Variants in LEMD3 observed in about 807,000 individuals in gnomAD.
LEMD3 encodes the protein LEM domain containing 3.
In LEMD3, 33 loss-of-function variants were observed where a neutral mutation model predicts 95.2. The ratio of observed to expected loss-of-function variants is 0.35; its 90% CI spans 0.26 to 0.46. The LOEUF (loss-of-function observed/expected upper bound fraction) is 0.46. LEMD3 is among the 20% of genes least tolerant of loss of function. The probability of loss-of-function intolerance (pLI) is 1.00; values close to 1 mark genes in which losing one functional copy is unlikely to be tolerated. For missense variants in LEMD3, 1,210 were observed against 1,192.8 expected (o/e 1.01, Z -0.21); for synonymous variants, 525 against 474.6 (o/e 1.11, Z -1.38).
intron 2 of LEMD3, among the ~76,000 whole-genome samples, chr12:65,215,454 G>A (rs909588828): frequency 3.3e-5 from 5 of 152,126 alleles, no homozygotes; most frequent in African/African-American, 1.2e-4. Context: ...TTAACTCCTA[G>A]TAGATGTTTA....
chr12:65,186,263 A>G (rs1269762551), intron 1 of LEMD3, among the ~76,000 whole-genome samples: 2 of 151,884 alleles, frequency 1.3e-5, no homozygotes, highest in Non-Finnish European at 2.9e-5. Flanking sequence ...TTGTGAAGAG[A>G]TACTTATTCA....
At chr12:65,234,059 C>CT (rs1162824518) in intron 4 of LEMD3, among the ~76,000 whole-genome samples, 2 of 152,078 alleles carry the variant, frequency 1.3e-5, no homozygotes, top group Non-Finnish European at 2.9e-5. Flanking sequence ...AAATTAAAAA[C>CT]TTAGTTTCTT....
chr12:65,210,804 A>G, intron 1 of LEMD3, 122 bp from the exon 2 acceptor site: 1 of 803,838 alleles, frequency 1.2e-6, no homozygotes, highest in Non-Finnish European at 2.2e-6. Flanking sequence ...GTTTGTTTAC[A>G]TTTGGTTCAC....
intron 1 of LEMD3, among the ~76,000 whole-genome samples, chr12:65,202,712 A>C (rs141759915): frequency 6.6e-6 from 1 of 152,182 alleles, no homozygotes; most frequent in Non-Finnish European, 1.5e-5. Context: ...GAAGGTTATT[A>C]CTTACTGATT....
At chr12:65,227,904 C>A (rs894357417) in intron 4 of LEMD3, among the ~76,000 whole-genome samples, 7 of 151,668 alleles carry the variant, frequency 4.6e-5, no homozygotes, top group African/African-American at 7.3e-5. Flanking sequence ...ACATAATCAT[C>A]TGTTTTTTTC....
At chr12:65,195,307 G>A (rs541697322) in intron 1 of LEMD3, among the ~76,000 whole-genome samples, 31 of 151,934 alleles carry the variant, frequency 2.0e-4, no homozygotes, top group Admixed American at 2.0e-3. Flanking sequence ...ACACATGTAC[G>A]TAAATATATA....
chr12:65,192,490 A>G (rs781348657), intron 1 of LEMD3, among the ~76,000 whole-genome samples: 9 of 152,054 alleles, frequency 5.9e-5, no homozygotes, highest in Non-Finnish European at 1.3e-4. Flanking sequence ...TTAGGATGGA[A>G]GTTACTTTTT....
At chr12:65,185,763 G>A (rs569769177) in intron 1 of LEMD3, among the ~76,000 whole-genome samples, 1 of 151,848 alleles carries the variant, frequency 6.6e-6, no homozygotes, top group East Asian at 1.9e-4. Context: ...ATGACTGACT[G>A]ACTTACCAGC....
chr12:65,212,478 A>G (rs1869969990), intron 2 of LEMD3, among the ~76,000 whole-genome samples: 2 of 149,068 alleles, frequency 1.3e-5, no homozygotes, highest in South Asian at 2.1e-4. Flanking sequence ...CGGAGCTTGC[A>G]GTGAGCCAAG....
intron 10 of LEMD3, 35 bp from the exon 11 acceptor site, chr12:65,245,634 T>A (rs1565802002): frequency 1.4e-6 from 2 of 1,410,276 alleles, no homozygotes; most frequent in African/African-American, 1.4e-5. Context: ...CGAGTAGGAA[T>A]ATGGTTGTTG....
chr12:65,194,817 C>CTTTAGATTATAATTTATAATTATAA (rs1869362833), intron 1 of LEMD3, among the ~76,000 whole-genome samples: 5 of 10,426 alleles, frequency 4.8e-4, no homozygotes, highest in Non-Finnish European at 1.2e-3. Flanking sequence ...CTTAATTATA[C>CTTTAGATTATAATTTATAATTATAA]TTTAGATTAT....
At chr12:65,196,652 A>G (rs1211496310) in intron 1 of LEMD3, among the ~76,000 whole-genome samples, 2 of 152,102 alleles carry the variant, frequency 1.3e-5, no homozygotes, top group Non-Finnish European at 2.9e-5. Flanking sequence ...AGTCTCTGTC[A>G]TGACTTACAG....
At position 65,240,994 on chromosome 12, in the gene LEMD3, G is replaced by A; in HGVS notation, c.2212G>A (p.Gly738Ser). 1 of 1,614,070 alleles carries A rather than the reference G, an allele frequency of 6.2e-7. No individual in the cohort carries two copies. The highest frequency in any genetic ancestry group is 8.5e-7 in the Non-Finnish European group (1 of 1,179,920). ...SRVRTETRRI[G>S]GADFLVWRWI... ...AGTTCGCACGGAAACACGAAGAATA[G>A]GTGGTGCAGATTTTCTGGTTTGGCG... The change falls in exon 9 of 13, where the codon GGT becomes AGT. Residue 738 changes from glycine (G) to serine (S), a missense_variant. Around this residue, in one of 2 missense-constraint regions of LEMD3, gnomAD observed 461 missense variants for 569.8 expected, o/e 0.81. Transcript: ENST00000308330.
chr12:65,244,685 C>T (rs1222373568), intron 10 of LEMD3, among the ~76,000 whole-genome samples: 1 of 152,138 alleles, frequency 6.6e-6, no homozygotes, highest in Non-Finnish European at 1.5e-5. Context: ...CAGTGGCTCA[C>T]ACCTATAATC....
intron 1 of LEMD3, among the ~76,000 whole-genome samples, chr12:65,185,671 T>C (rs1404008973): frequency 2.0e-5 from 3 of 150,324 alleles, no homozygotes; most frequent in Non-Finnish European, 3.0e-5. Flanking sequence ...GGAAATTATA[T>C]ATAAATTTTA....
At chr12:65,172,737 T>C (rs890820184) in intron 1 of LEMD3, among the ~76,000 whole-genome samples, 4 of 151,746 alleles carry the variant, frequency 2.6e-5, no homozygotes, top group African/African-American at 4.8e-5. Flanking sequence ...TTTCTTTTTT[T>C]TTTTTTTTAG....
At chr12:65,242,548 T>C (rs982432907) in intron 9 of LEMD3, among the ~76,000 whole-genome samples, 1 of 152,166 alleles carries the variant, frequency 6.6e-6, no homozygotes, top group Non-Finnish European at 1.5e-5. Flanking sequence ...GAGTTGATTC[T>C]GCCATAAACT....
rs746798464 is a variant in LEMD3, at chr12:65,246,471, A to G, written c.*146A>G. 5.6e-6 allele frequency: 4 copies of G among 714,558 alleles called. No homozygotes were observed. The highest frequency in any genetic ancestry group is 9.7e-6 in the Non-Finnish European group (4 of 411,802). The allele number at this position is 714,558 out of a possible 1,614,324, so 44.3% of individuals were successfully genotyped here. A position where few individuals can be genotyped will look rare whatever the true frequency, so the allele number is the denominator to read the frequency against. On this transcript the variant is annotated 3_prime_UTR_variant, in exon 13 of 13. Coordinates refer to ENST00000308330, the MANE Select transcript of LEMD3 (RefSeq NM_014319.5). ...ACGTTCCAGAAGTCTTAAGGTTCCA[A>G]AGGGATTTAGCAGTGAGGCAGCAAT...
At chr12:65,240,614 A>C in intron 8 of LEMD3, 1 of 422,992 alleles carries the variant, frequency 2.4e-6, no homozygotes, top group Non-Finnish European at 4.2e-6. Flanking sequence ...AAAAACTAAA[A>C]TGCAACTTTT....
Sources: allele counts gnomAD v4.1 joint callset (sites outside exome capture counted in the v4.1 genomes callset), GRCh38; gene constraint gnomAD v4.1.1; regional missense constraint gnomAD v4.1.1; transcripts MANE v1.5; gene names NCBI Gene and HGNC (gene_info 2026-07-23, HGNC 2026-07-21).